Variants in CALN1 observed in about 807,000 individuals in gnomAD.
CALN1 encodes the protein calneuron 1.
Under a neutral mutation model 30.6 loss-of-function variants are expected in CALN1, and 17 were observed. That is an observed-to-expected ratio of 0.56 (90% confidence interval 0.38 to 0.83). CALN1 has a LOEUF of 0.83. CALN1 is among the 40% of genes least tolerant of loss of function. The probability of loss-of-function intolerance (pLI) is 0.00; values close to 1 mark genes in which losing one functional copy is unlikely to be tolerated. For missense variants in CALN1, 291 were observed against 354.9 expected (o/e 0.82, Z 1.45); for synonymous variants, 156 against 131.4 (o/e 1.19, Z -1.28).
chr7:72,069,870 T>TTATG (rs1288512614), intron 4 of CALN1, among the ~76,000 whole-genome samples: 1 of 152,148 alleles, frequency 6.6e-6, no homozygotes, highest in African/African-American at 2.4e-5. Flanking sequence ...AAGTAAAGTG[T>TTATG]TACATAAGTG....
intron 5 of CALN1, among the ~76,000 whole-genome samples, chr7:71,947,849 A>T (rs1796483470): frequency 6.6e-6 from 1 of 151,578 alleles, no homozygotes; most frequent in South Asian, 2.1e-4. Flanking sequence ...CTGAGGAAGG[A>T]GAATTACTTG....
chr7:72,149,439 G>T (rs577319568), intron 3 of CALN1, among the ~76,000 whole-genome samples: 35 of 152,148 alleles, frequency 2.3e-4, no homozygotes, highest in Admixed American at 1.6e-3. Context: ...TGCACTCCAG[G>T]CTGGGTGACA....
At chr7:72,478,846 T>A in the CALN1 span, among the ~76,000 whole-genome samples, 2 of 151,828 alleles carry the variant, frequency 1.3e-5, no homozygotes, top group Admixed American at 1.3e-4. Context: ...AGGTATTGAT[T>A]GTTTCTTCAC....
chr7:72,161,925 AC>A (rs1423003683), intron 3 of CALN1, among the ~76,000 whole-genome samples: 1 of 151,982 alleles, frequency 6.6e-6, no homozygotes, highest in African/African-American at 2.4e-5. Context: ...CAAAACTTGA[AC>A]AAAAAAAGAA....
chr7:71,963,018 A>G (rs906574128), intron 5 of CALN1, among the ~76,000 whole-genome samples: 3 of 152,308 alleles, frequency 2.0e-5, no homozygotes, highest in Admixed American at 2.0e-4. Flanking sequence ...GACAGGTTTA[A>G]ACATAGGTAT....
chr7:72,026,968 C>G (rs1801100309), intron 4 of CALN1, among the ~76,000 whole-genome samples: 1 of 152,172 alleles, frequency 6.6e-6, no homozygotes. Flanking sequence ...ATCACCTCCA[C>G]TAGTCACAGG....
chr7:71,878,579 G>A (rs529637166), intron 5 of CALN1, among the ~76,000 whole-genome samples: 5 of 152,250 alleles, frequency 3.3e-5, no homozygotes, highest in African/African-American at 1.2e-4. Context: ...CTAAAAGCCG[G>A]AGGAGAAGGA....
chr7:72,376,431 T>A (rs1329731941), intron 2 of CALN1, among the ~76,000 whole-genome samples: 1 of 152,198 alleles, frequency 6.6e-6, no homozygotes, highest in Non-Finnish European at 1.5e-5. Context: ...GTTTTGATAT[T>A]ATTGTGGTTT....
intron 2 of CALN1, among the ~76,000 whole-genome samples, chr7:72,376,442 T>C (rs1014622446): frequency 1.3e-5 from 2 of 152,236 alleles, no homozygotes; most frequent in Non-Finnish European, 2.9e-5. Context: ...ATTGTGGTTT[T>C]GATTTGTATT....
the CALN1 span, among the ~76,000 whole-genome samples, chr7:72,461,961 T>C: frequency 6.6e-6 from 1 of 151,818 alleles, no homozygotes; most frequent in African/African-American, 2.4e-5. Context: ...TGAGCCAAGA[T>C]TGCGCCACCG....
chr7:72,315,390 G>C (rs1800367833), intron 2 of CALN1, among the ~76,000 whole-genome samples: 1 of 152,100 alleles, frequency 6.6e-6, no homozygotes, highest in Non-Finnish European at 1.5e-5. Flanking sequence ...CAAAACGTAT[G>C]TGCTCACTTA....
At chr7:72,206,086 C>T (rs1258078639) in intron 3 of CALN1, among the ~76,000 whole-genome samples, 1 of 152,166 alleles carries the variant, frequency 6.6e-6, no homozygotes, top group Non-Finnish European at 1.5e-5. Flanking sequence ...TCTGGAAGAT[C>T]AAGGGCTCAC....
intron 3 of CALN1, among the ~76,000 whole-genome samples, chr7:72,148,296 G>A (rs1334081190): frequency 1.3e-5 from 2 of 150,110 alleles, no homozygotes; most frequent in African/African-American, 4.9e-5. Context: ...TGGGCCAGGT[G>A]CAGTGGCTCA....
chr7:72,366,689 T>C (rs1803896223), intron 2 of CALN1, among the ~76,000 whole-genome samples: 1 of 152,190 alleles, frequency 6.6e-6, no homozygotes. Flanking sequence ...TATTATTAAT[T>C]GACATGAAAA....
chr7:72,377,423 T>C (rs901010188), intron 2 of CALN1, among the ~76,000 whole-genome samples: 1 of 148,010 alleles, frequency 6.8e-6, no homozygotes, highest in Non-Finnish European at 1.5e-5. Flanking sequence ...TTGGGTAATA[T>C]GGGCCACACT....
At chr7:72,397,286 G>A (rs552337663) in intron 2 of CALN1, among the ~76,000 whole-genome samples, 4 of 152,290 alleles carry the variant, frequency 2.6e-5, no homozygotes, top group African/African-American at 9.6e-5. Flanking sequence ...CAGGGAGGAT[G>A]CCAGAGAGAG....
chr7:71,783,343 G>A lies in CALN1; in HGVS notation c.*4432C>T, dbSNP rs543765805. 1 of 152,270 alleles carries A rather than the reference G, an allele frequency of 6.6e-6. No homozygotes were observed. The highest frequency in any genetic ancestry group is 2.4e-5 in the African/African-American group (1 of 41,556). The allele number at this position is 152,270 out of a possible 1,614,324, so 9.4% of individuals were successfully genotyped here. On this transcript the variant is annotated 3_prime_UTR_variant, in exon 7 of 7. Coordinates refer to ENST00000395275, the MANE Select transcript of CALN1 (RefSeq NM_031468.4). ...CCATCACGGTGATATAGGAAAAGGG[G>A]CCCTTCCTAGCAGGGGAATTCCAGA... is the stretch of plus-strand genomic sequence containing the variant.
chr7:71,976,800 T>C (rs1026393951), intron 5 of CALN1, among the ~76,000 whole-genome samples: 4 of 152,162 alleles, frequency 2.6e-5, no homozygotes, highest in Non-Finnish European at 4.4e-5. Flanking sequence ...GGAACCAAGA[T>C]GGCTGGCTGG....
intron 5 of CALN1, among the ~76,000 whole-genome samples, chr7:71,903,052 C>A: frequency 6.6e-6 from 1 of 151,432 alleles, no homozygotes; most frequent in Non-Finnish European, 1.5e-5. Flanking sequence ...AAAATTTTTA[C>A]TTTTTTTTAA....
Sources: gnomAD v4.1 joint callset for allele counts (sites outside exome capture counted in the v4.1 genomes callset) on GRCh38, gnomAD v4.1.1 for gene constraint, MANE v1.5 for transcripts, NCBI Gene and HGNC (gene_info 2026-07-23, HGNC 2026-07-21) for gene names.